ARHGAP25: variants seen among roughly 807,000 people sequenced by gnomAD.
ARHGAP25 encodes the protein rho GTPase-activating protein 25.
In ARHGAP25, 34 loss-of-function variants were observed where a neutral mutation model predicts 71.0. The ratio of observed to expected loss-of-function variants is 0.48; its 90% confidence interval spans 0.36 to 0.64. The LOEUF is 0.64. ARHGAP25 is among the 30% of genes least tolerant of loss of function. The pLI is 0.00. For synonymous variants in ARHGAP25, 282 were observed against 296.5 expected (o/e 0.95, Z 0.50); for missense variants, 706 against 805.1 (o/e 0.88, Z 1.49).
intron 2 of ARHGAP25, among the ~76,000 whole-genome samples, chr2:68,717,300 G>A (rs773551026): frequency 6.6e-6 from 1 of 152,162 alleles, no homozygotes; most frequent in Non-Finnish European, 1.5e-5. Context: ...TCTTTATGTG[G>A]CACATGACTG....
At chr2:68,791,747 G>A (rs543627004) in intron 4 of ARHGAP25, among the ~76,000 whole-genome samples, 10 of 152,164 alleles carry the variant, frequency 6.6e-5, no homozygotes, top group Middle Eastern at 3.4e-3. Context: ...CTGGCTTGCC[G>A]TCCCCTTTTG....
In ARHGAP25 at chr2:68,819,114, G is replaced by A; in HGVS notation, c.1004-9G>A. The A allele has an allele frequency of 1.3e-6, 2 of 1,532,264 alleles. No homozygotes were observed. The highest frequency in any genetic ancestry group is 1.8e-6 in the Non-Finnish European group (2 of 1,140,546). The allele number at this position is 1,532,264 out of a possible 1,614,324, so 94.9% of individuals were successfully genotyped here. A position where few individuals can be genotyped will look rare whatever the true frequency, so the allele number is the denominator to read the frequency against. ...ACTACACAACAGATCTTTTTCTTCT[G>A]TCTTTCAGGGACTCCTCAGATCCAA... On this transcript the variant is annotated splice_polypyrimidine_tract_variant and intron_variant, in intron 8 of 10. Transcript: ENST00000409202.
At chr2:68,819,410 G>A (rs1288213498) in intron 9 of ARHGAP25, 91 bp downstream of exon 9, 2 of 1,366,634 alleles carry the variant, frequency 1.5e-6, no homozygotes, top group Non-Finnish European at 2.1e-6. Context: ...GGCAATTTGG[G>A]GAGTTTTAGG....
intron 4 of ARHGAP25, among the ~76,000 whole-genome samples, chr2:68,797,512 C>T (rs1679644223): frequency 6.6e-6 from 1 of 152,216 alleles, no homozygotes; most frequent in Non-Finnish European, 1.5e-5. Context: ...TCCACAACAA[C>T]TCTCCTCTTG....
At chr2:68,803,002 T>TAC (rs764051424) in intron 4 of ARHGAP25, among the ~76,000 whole-genome samples, 1 of 151,192 alleles carries the variant, frequency 6.6e-6, no homozygotes, top group African/African-American at 2.4e-5. Flanking sequence ...TATACATACA[T>TAC]ACATATATAT....
intron 4 of ARHGAP25, among the ~76,000 whole-genome samples, chr2:68,798,844 G>C (rs756860401): frequency 7.2e-5 from 11 of 152,178 alleles, no homozygotes; most frequent in Non-Finnish European, 1.5e-4. Flanking sequence ...TCTGGAGTGA[G>C]GGGAGGGTAA....
At chr2:68,745,300 A>T (rs1364929914) in intron 1 of ARHGAP25, among the ~76,000 whole-genome samples, 4 of 151,846 alleles carry the variant, frequency 2.6e-5, no homozygotes, top group Non-Finnish European at 5.9e-5. Context: ...CACCTCTGAA[A>T]TCTCACTTTC....
intron 1 of ARHGAP25, among the ~76,000 whole-genome samples, chr2:68,755,361 T>G (rs930696338): frequency 5.9e-5 from 9 of 152,266 alleles, no homozygotes; most frequent in Admixed American, 4.6e-4. Flanking sequence ...CTTTTATCAC[T>G]CAGAGAAAAG....
In ARHGAP25 at chr2:68,822,542, AT is replaced by A; in HGVS notation, c.1404del (p.Asn468LysfsTer98). The A allele has an allele frequency of 6.2e-7, 1 of 1,614,234 alleles. No homozygotes were observed. The highest frequency in any genetic ancestry group is 2.2e-5 in the East Asian group (1 of 44,890). ...AGCAGCAAAATGGAGATCTTTAAAA[AT>A]GAATTCTGGTCGCCTTCCTCAGAGG... ...ANSSKMEIFK[N>X]EFWSPSSEAK... On this transcript the variant is annotated frameshift_variant, in exon 10 of 11. Transcript: ENST00000409202. LOFTEE classifies it high-confidence loss of function.
chr2:68,728,755 A>G (rs185299013), intron 2 of ARHGAP25, among the ~76,000 whole-genome samples: 2 of 152,228 alleles, frequency 1.3e-5, no homozygotes, highest in African/African-American at 2.4e-5. Flanking sequence ...AGTAAACATA[A>G]GTAAATAAAT....
chr2:68,722,746 T>A (rs922517767), intron 2 of ARHGAP25, among the ~76,000 whole-genome samples: 4 of 152,170 alleles, frequency 2.6e-5, no homozygotes, highest in African/African-American at 9.7e-5. Flanking sequence ...TGTCTCACCC[T>A]AGCTCAGGCT....
chr2:68,735,299 C>G (rs371561793), intron 1 of ARHGAP25, 39 bp downstream of exon 1: 4 of 1,586,500 alleles, frequency 2.5e-6, no homozygotes, highest in African/African-American at 1.3e-5. Context: ...GTGATTCTTA[C>G]GTATACTCGA....
intron 2 of ARHGAP25, among the ~76,000 whole-genome samples, chr2:68,721,173 C>T (rs776390154): frequency 2.6e-5 from 4 of 152,108 alleles, no homozygotes; most frequent in Non-Finnish European, 5.9e-5. Flanking sequence ...ATTTTCTGAA[C>T]AAAGCTTTTT....
chr2:68,788,258 C>G (rs929014975), intron 4 of ARHGAP25, among the ~76,000 whole-genome samples: 11 of 152,212 alleles, frequency 7.2e-5, no homozygotes, highest in African/African-American at 4.8e-5. Flanking sequence ...GCTTTCTCCT[C>G]TCTGGGCCAA....
chr2:68,789,826 A>G (rs1401019102), intron 4 of ARHGAP25, among the ~76,000 whole-genome samples: 1 of 152,140 alleles, frequency 6.6e-6, no homozygotes, highest in Non-Finnish European at 1.5e-5. Flanking sequence ...CATGATACAC[A>G]TGGGGATTTC....
At chr2:68,719,463 CA>C (rs1435667785) in intron 2 of ARHGAP25, among the ~76,000 whole-genome samples, 1 of 145,708 alleles carries the variant, frequency 6.9e-6, no homozygotes, top group African/African-American at 2.5e-5. Flanking sequence ...CCCCACAAAA[CA>C]AACAAACAAA....
At chr2:68,739,556 A>C (rs1675409384) in intron 1 of ARHGAP25, among the ~76,000 whole-genome samples, 1 of 152,250 alleles carries the variant, frequency 6.6e-6, no homozygotes. Context: ...CACACAAGGC[A>C]GCTTGAGGAA....
chr2:68,793,844 A>C (rs1417552777), intron 4 of ARHGAP25, among the ~76,000 whole-genome samples: 1 of 152,106 alleles, frequency 6.6e-6, no homozygotes, highest in Non-Finnish European at 1.5e-5. Context: ...AATTGCATTG[A>C]ATCTGTAGAT....
At chr2:68,747,111 C>A (rs1675878038) in intron 1 of ARHGAP25, among the ~76,000 whole-genome samples, 1 of 151,706 alleles carries the variant, frequency 6.6e-6, no homozygotes, top group South Asian at 2.1e-4. Context: ...TCAGTCAGCC[C>A]AATTAAGCAT....
Sources: allele counts gnomAD v4.1 joint callset (sites outside exome capture counted in the v4.1 genomes callset), GRCh38; gene constraint gnomAD v4.1.1; transcripts MANE v1.5; gene names NCBI Gene and HGNC (gene_info 2026-07-23, HGNC 2026-07-21).